Variants in BCL2L13 observed in about 807,000 individuals in gnomAD.
BCL2L13 encodes BCL2 like 13, also known as bcl-2-like protein 13.
BCL2L13 carries 13 observed loss-of-function variants against 25.8 expected under a neutral mutation model. The observed-to-expected ratio is 0.50, with a 90% CI of 0.33 to 0.80. BCL2L13 has a LOEUF of 0.80. BCL2L13 is among the 30% of genes least tolerant of loss of function. The pLI, the probability that BCL2L13 is intolerant of heterozygous loss-of-function variation, is 0.02. For synonymous variants in BCL2L13, 244 were observed against 230.3 expected (o/e 1.06, Z -0.54); for missense variants, 504 against 574.9 (o/e 0.88, Z 1.26).
chr22:17,696,007 G>A (rs1377869888), intron 4 of BCL2L13, 134 bp from the exon 5 acceptor site: 2 of 596,540 alleles, frequency 3.4e-6, no homozygotes, highest in South Asian at 3.7e-5. Context: ...GCCACGTCTT[G>A]TACAAAACAG....
In BCL2L13 at chr22:17,727,025, G is replaced by C. The variant is rs775247146; in HGVS notation, c.949G>C (p.Glu317Gln). 1.2e-6 allele frequency: 2 copies of C among 1,614,088 alleles called. No homozygotes were observed. The highest frequency in any genetic ancestry group is 1.7e-5 in the Admixed American group (1 of 60,010). The part of the protein sequence containing the change: ...IVHVEKEEVP[E>Q]GMEEAAVASV... ...GCACGTGGAGAAAGAAGAGGTGCCC[G>C]AGGGCATGGAAGAGGCTGCTGTGGC... Residue 317 changes from glutamate to glutamine, a missense_variant, in exon 7 of 7, where the codon GAG (glutamate) becomes CAG (glutamine). Physicochemically the swap from Glu to Gln is conservative, Grantham distance 29. Coordinates refer to ENST00000317582, the MANE Select transcript of BCL2L13 (RefSeq NM_015367.4).
chr22:17,653,803 A>G (rs192280793), intron 1 of BCL2L13, among the ~76,000 whole-genome samples: 1 of 150,318 alleles, frequency 6.7e-6, no homozygotes, highest in Non-Finnish European at 1.5e-5. Flanking sequence ...TGTGCCAACC[A>G]CTTATATCTA....
chr22:17,672,019 C>G (rs2059434488), intron 2 of BCL2L13, among the ~76,000 whole-genome samples: 1 of 152,190 alleles, frequency 6.6e-6, no homozygotes, highest in African/African-American at 2.4e-5. Flanking sequence ...CGGCCAACAT[C>G]TGGTTTCTTA....
intron 6 of BCL2L13, among the ~76,000 whole-genome samples, chr22:17,715,176 T>A (rs1468638389): frequency 1.7e-3 from 55 of 31,566 alleles, no homozygotes; most frequent in Non-Finnish European, 2.4e-3. Context: ...ATATATTTTT[T>A]TTTTTTTTTT....
At chr22:17,652,128 CAT>C (rs1481289351) in intron 1 of BCL2L13, among the ~76,000 whole-genome samples, 2 of 152,160 alleles carry the variant, frequency 1.3e-5, no homozygotes, top group African/African-American at 4.8e-5. Flanking sequence ...TGGAAAATAT[CAT>C]ATGTTGAAAA....
At chr22:17,660,819 G>A (rs1314463957) in intron 2 of BCL2L13, among the ~76,000 whole-genome samples, 3 of 145,372 alleles carry the variant, frequency 2.1e-5, no homozygotes, top group Non-Finnish European at 3.1e-5. Flanking sequence ...AGACAGTCTC[G>A]CTCTCGTCAG....
At chr22:17,671,630 A>C (rs144125077) in intron 2 of BCL2L13, among the ~76,000 whole-genome samples, 1 of 151,458 alleles carries the variant, frequency 6.6e-6, no homozygotes, top group Non-Finnish European at 1.5e-5. Flanking sequence ...TTGTTTCGCC[A>C]TGTTCCTCAG....
At chr22:17,633,836 A>C (rs1224694527), upstream of BCL2L13, among the ~76,000 whole-genome samples, 1 of 152,030 alleles carries the variant, frequency 6.6e-6, no homozygotes, top group Non-Finnish European at 1.5e-5. Context: ...GATGGCATCA[A>C]GTCACTCCCC....
chr22:17,689,574 G>T (rs2060042862), intron 4 of BCL2L13, among the ~76,000 whole-genome samples: 1 of 152,146 alleles, frequency 6.6e-6, no homozygotes, highest in Admixed American at 6.6e-5. Context: ...ACCGGGCGCG[G>T]TGGCTCACGC....
At chr22:17,681,208 A>ATCCC (rs1388279496) in intron 2 of BCL2L13, among the ~76,000 whole-genome samples, 6 of 152,058 alleles carry the variant, frequency 3.9e-5, no homozygotes, top group Non-Finnish European at 2.9e-5. Flanking sequence ...GGACGGGGAA[A>ATCCC]GAAGGAGAAT....
intron 2 of BCL2L13, among the ~76,000 whole-genome samples, chr22:17,670,834 A>G (rs189780674): frequency 9.5e-4 from 145 of 152,282 alleles, no homozygotes; most frequent in African/African-American, 3.4e-3. Context: ...GCATGGTGGA[A>G]TTCTGCATTC....
chr22:17,654,601 T>C (rs2058793029), intron 1 of BCL2L13, among the ~76,000 whole-genome samples: 1 of 151,892 alleles, frequency 6.6e-6, no homozygotes, highest in South Asian at 2.1e-4. Flanking sequence ...TTTTTTTGTA[T>C]TTTTAGTAGA....
intron 2 of BCL2L13, among the ~76,000 whole-genome samples, chr22:17,670,006 C>T (rs891268762): frequency 6.6e-6 from 1 of 152,168 alleles, no homozygotes; most frequent in Non-Finnish European, 1.5e-5. Flanking sequence ...TGTCTCAGCA[C>T]CATTTGTTGA....
chr22:17,721,371 G>C (rs1320238593), intron 6 of BCL2L13, among the ~76,000 whole-genome samples: 2 of 151,460 alleles, frequency 1.3e-5, no homozygotes, highest in Non-Finnish European at 2.9e-5. Flanking sequence ...TTAAATTTTT[G>C]TTATTTTTTA....
chr22:17,687,946 T>C (rs1276373740), intron 3 of BCL2L13, among the ~76,000 whole-genome samples: 6 of 151,570 alleles, frequency 4.0e-5, no homozygotes, highest in Admixed American at 4.0e-4. Context: ...GGCTCCTGAG[T>C]AGCTGGGGTT....
chr22:17,693,352 TA>T (rs2060160176), intron 4 of BCL2L13, among the ~76,000 whole-genome samples: 1 of 139,220 alleles, frequency 7.2e-6, no homozygotes, highest in Non-Finnish European at 1.6e-5. Context: ...TTTATTTATT[TA>T]TTTATTTATT....
At chr22:17,669,550 C>G (rs148599698) in intron 2 of BCL2L13, among the ~76,000 whole-genome samples, 1 of 152,134 alleles carries the variant, frequency 6.6e-6, no homozygotes, top group Non-Finnish European at 1.5e-5. Context: ...CACTGAGAAC[C>G]TTGAAGATGG....
chr22:17,697,037 C>A (rs1361668823), intron 5 of BCL2L13, among the ~76,000 whole-genome samples: 1 of 151,914 alleles, frequency 6.6e-6, no homozygotes, highest in Non-Finnish European at 1.5e-5. Context: ...AGACATGTGA[C>A]CTTATGTACC....
intron 2 of BCL2L13, among the ~76,000 whole-genome samples, chr22:17,662,003 A>T (rs1335131816): frequency 6.6e-6 from 1 of 152,110 alleles, no homozygotes; most frequent in East Asian, 1.9e-4. Context: ...AAAAAAAAAA[A>T]AAATTGCATA....
Sources: gnomAD v4.1 joint callset for allele counts (sites outside exome capture counted in the v4.1 genomes callset) on GRCh38, gnomAD v4.1.1 for gene constraint, MANE v1.5 for transcripts, NCBI Gene and HGNC (gene_info 2026-07-23, HGNC 2026-07-21) for gene names.